PAK6: variants seen among roughly 807,000 people sequenced by gnomAD.
The protein encoded by PAK6 is p21 (RAC1) activated kinase 6.
Under a neutral mutation model 60.8 loss-of-function variants are expected in PAK6, and 33 were observed. The ratio of observed to expected loss-of-function variants is 0.54; its 90% CI spans 0.41 to 0.73. The LOEUF (loss-of-function observed/expected upper bound fraction) is 0.73. PAK6 is among the 30% of genes least tolerant of loss of function. PAK6 has a pLI of 0.00. For synonymous variants in PAK6, 404 were observed against 378.5 expected (o/e 1.07, Z -0.78); for missense variants, 845 against 904.1 (o/e 0.93, Z 0.84).
intron 5 of PAK6, among the ~76,000 whole-genome samples, chr15:40,271,132 C>G (rs17669605): frequency 0.095 from 14,418 of 152,290 alleles, 866 homozygotes; most frequent in South Asian, 0.15. Flanking sequence ...TTCTGCATCC[C>G]CTGAAGCATC....
chr15:40,266,487 C>G (rs750060851), exon 5 of PAK6: 1 of 1,603,616 alleles, frequency 6.2e-7, no homozygotes, highest in Non-Finnish European at 8.5e-7. Context: ...CCCTCCACCA[C>G]AGAGCAAGGT....
chr15:40,253,783 G>C (rs760963980), intron 3 of PAK6, among the ~76,000 whole-genome samples: 2 of 152,242 alleles, frequency 1.3e-5, no homozygotes, highest in African/African-American at 2.4e-5. Flanking sequence ...TGCTCAGGTG[G>C]CATCCGATCT....
At position 40,272,435 on chromosome 15, in the gene PAK6, C is replaced by A. The variant is rs566841147; in HGVS notation, c.1070C>A (p.Ala357Asp). The A allele has an allele frequency of 1.9e-6, 3 of 1,613,662 alleles. No homozygotes were observed. In the South Asian group the frequency reaches 3.3e-5, roughly 18 times the overall value. ...GCGGGATCCCCCCGCACCTGGCACG[C>A]CCAGATCAGCACCAGCAACCTGTAC... The change falls in exon 6 of 11, where the codon GCC (alanine) becomes GAC (aspartate). Residue 357 changes from alanine to aspartate, a missense_variant. Physicochemically the swap from Ala to Asp is moderately radical, Grantham distance 126. Coordinates refer to ENST00000560346, the Ensembl canonical transcript of PAK6.
chr15:40,264,973 A>G (rs759664815), exon 4 of PAK6: 3 of 1,613,326 alleles, frequency 1.9e-6, no homozygotes, highest in South Asian at 2.2e-5. Flanking sequence ...ACACGGGTGC[A>G]GCTCCAGCCC....
At chr15:40,272,280 G>A in exon 6 of PAK6, 1 of 1,614,038 alleles carries the variant, frequency 6.2e-7, no homozygotes, top group East Asian at 2.2e-5. Flanking sequence ...TGGTGGCCAA[G>A]GCCCAGTCCT....
intron 2 of PAK6, among the ~76,000 whole-genome samples, chr15:40,249,395 C>T (rs1175042477): frequency 6.6e-6 from 1 of 152,196 alleles, no homozygotes; most frequent in Non-Finnish European, 1.5e-5. Flanking sequence ...CCTCAGTTTC[C>T]TCATTTGTAA....
At chr15:40,239,221 C>A (rs985525715), upstream of PAK6, 6 of 152,146 alleles carry the variant, frequency 3.9e-5, no homozygotes, top group Non-Finnish European at 8.8e-5. Flanking sequence ...GGAGCGGCCT[C>A]GCCTGCCAGG....
Position 40,252,225 on chromosome 15 carries a change from G to A in PAK6, c.-117-953G>A, listed in dbSNP as rs540327479. The stretch of plus-strand genomic sequence containing the variant: ...CGCTCAGGTCCGGGAGAGTCGGCCC[G>A]CGGCTCTGGAGCGTGCATCTGCGAT... On this transcript the variant is annotated intron_variant, in intron 2 of 10. Coordinates refer to ENST00000560346, the Ensembl canonical transcript of PAK6. 159 of 1,175,018 alleles carry A rather than the reference G, an allele frequency of 1.4e-4. 1 individual carries two copies. In the South Asian group the frequency reaches 2.2e-3, roughly 16 times the overall value. 72.8% of individuals were successfully genotyped at this position (1,175,018 alleles called of 1,614,324 possible).
At chr15:40,251,033 G>A (rs1215880688) in intron 2 of PAK6, 1 of 152,548 alleles carries the variant, frequency 6.6e-6, no homozygotes, top group Non-Finnish European at 1.5e-5. Flanking sequence ...AGGCCTAGCA[G>A]TCAGCTTCCT....
At chr15:40,261,063 T>C (rs1188523530) in intron 3 of PAK6, among the ~76,000 whole-genome samples, 2 of 151,882 alleles carry the variant, frequency 1.3e-5, no homozygotes, top group Admixed American at 1.3e-4. Flanking sequence ...TAATGTTTTG[T>C]AGTTTTAGTA....
intron 9 of PAK6, 21 bp downstream of exon 9, chr15:40,273,697 C>T (rs200514442): frequency 8.7e-6 from 14 of 1,608,776 alleles, no homozygotes; most frequent in Non-Finnish European, 8.5e-7. Flanking sequence ...CCTCCACCCC[C>T]CAGACCTCCC....
chr15:40,265,672 T>G (rs116713890), intron 4 of PAK6, among the ~76,000 whole-genome samples, 170 bp from the exon 5 acceptor site: 1 of 152,168 alleles, frequency 6.6e-6, no homozygotes, highest in Non-Finnish European at 1.5e-5. Context: ...GGACCCACGG[T>G]GGGCCCTGAT....
intron 2 of PAK6, among the ~76,000 whole-genome samples, chr15:40,249,653 T>C (rs950028535): frequency 3.3e-5 from 5 of 152,232 alleles, no homozygotes; most frequent in African/African-American, 1.2e-4. Flanking sequence ...AGCAGAAAGA[T>C]GCAGGGAAGG....
chr15:40,252,197 GC>G, intron 2 of PAK6: 3 of 1,076,580 alleles, frequency 2.8e-6, no homozygotes, highest in Non-Finnish European at 3.6e-6. Flanking sequence ...GGCACACGCG[GC>G]CCGCTCAGGT....
At chr15:40,248,235 G>A (rs1035187237) in intron 2 of PAK6, among the ~76,000 whole-genome samples, 4 of 152,198 alleles carry the variant, frequency 2.6e-5, no homozygotes, top group African/African-American at 9.7e-5. Flanking sequence ...ACTTCCAGAT[G>A]CTCGGAGGTT....
rs764474132 is a variant in PAK6, at chr15:40,274,186, T to C, written c.1788T>C (p.Asp596=). 13 of 1,613,858 alleles carry C rather than the reference T, an allele frequency of 8.1e-6. No individual in the cohort carries two copies. The South Asian group carries it at 1.4e-4, about 18-fold the overall frequency. The stretch of plus-strand genomic sequence containing the variant: ...GCATCATGGTGATTGAGATGGTAGA[T>C]GGGGAGCCACCGTACTTCAGTGACT... Residue 596 remains aspartate, a synonymous_variant, in exon 10 of 11, where the codon GAT becomes GAC. Coordinates refer to ENST00000560346, the Ensembl canonical transcript of PAK6.
Position 40,266,804 on chromosome 15 carries a change from T to C in PAK6, c.858+309T>C, listed in dbSNP as rs1032625590. 4.5e-5 allele frequency: 15 copies of C among 330,712 alleles called. No individual in the cohort carries two copies. The Admixed American group carries it at 4.6e-4, about 10-fold the overall frequency. 20.5% of individuals were successfully genotyped at this position (330,712 alleles called of 1,614,324 possible). The stretch of plus-strand genomic sequence containing the variant: ...CCAGGGGCAGCAGGAGGCCGACTTG[T>C]GGCATGTGTGACTGCTTCAGACGCA... On this transcript the variant is annotated intron_variant, in intron 5 of 10. Coordinates refer to ENST00000560346, the Ensembl canonical transcript of PAK6.
At chr15:40,262,490 C>T (rs1005625396) in intron 3 of PAK6, among the ~76,000 whole-genome samples, 1 of 151,376 alleles carries the variant, frequency 6.6e-6, no homozygotes, top group Non-Finnish European at 1.5e-5. Flanking sequence ...GGCGACAGGG[C>T]GGCAAGACTC....
chr15:40,249,451 G>A lies in PAK6; in HGVS notation c.-117-3727G>A, dbSNP rs571269182. 2.6e-5 allele frequency among the ~76,000 whole-genome samples: 4 copies of A among 152,330 alleles called. No individual in the cohort carries two copies. In the South Asian group the frequency reaches 8.3e-4, roughly 32 times the overall value. ...AGGACTTCCATCCCAGGGTTCTTGT[G>A]AAGACTAAGGGAGGTAGCACAGGTA... On this transcript the variant is annotated intron_variant, in intron 2 of 10. Transcript: ENST00000560346.
Sources: gnomAD v4.1 joint callset for allele counts (sites outside exome capture counted in the v4.1 genomes callset) on GRCh38, gnomAD v4.1.1 for gene constraint, MANE v1.5 for transcripts, NCBI Gene and HGNC (gene_info 2026-07-23, HGNC 2026-07-21) for gene names.